PAGE4: variants seen among roughly 807,000 people sequenced by gnomAD.
PAGE4 encodes the protein PAGE family member 4.
A neutral mutation model predicts 8.5 loss-of-function variants in PAGE4; 1 was observed. The observed-to-expected ratio is 0.12, with a 90% CI of 0.04 to 0.56. The LOEUF is 0.56. Ranked by LOEUF, PAGE4 falls within the 20% of genes least tolerant of loss-of-function variation. The pLI is 0.91. For missense variants in PAGE4, 93 were observed against 82.7 expected, an observed-to-expected ratio of 1.13 and a Z score of -0.49; for synonymous variants, 26 against 26.3, an observed-to-expected ratio of 0.99 and a Z score of 0.04.
At position 49,833,830 on chromosome X, in the gene PAGE4, T is replaced by C. The variant is rs1557156870; in HGVS notation, c.293-16T>C. On this transcript the variant is annotated splice_polypyrimidine_tract_variant and intron_variant, in intron 4 of 4. Coordinates refer to ENST00000218068, the MANE Select transcript of PAGE4 (RefSeq NM_007003.4). The stretch of plus-strand genomic sequence containing the variant: ...TCTGCTAAGTAATGAACTCAACTGT[T>C]ATGTTTATATTTTAGGAGATGGGCA... The C allele has an allele frequency of 6.0e-6, 7 of 1,169,570 alleles. No individual in the cohort carries two copies. In the Admixed American group the frequency reaches 1.5e-4, roughly 26 times the overall value.
Position 49,833,995 on chromosome X carries a change from A to G in PAGE4, c.*133A>G. The G allele has an allele frequency of 2.1e-6, 1 of 471,973 alleles. No homozygotes were observed. The highest frequency in any genetic ancestry group is 3.7e-6 in the Non-Finnish European group (1 of 267,783). The allele number at this position is 471,973 out of a possible 1,213,427, so 38.9% of individuals were successfully genotyped here. On this transcript the variant is annotated 3_prime_UTR_variant, in exon 5 of 5. Coordinates refer to ENST00000218068, the MANE Select transcript of PAGE4 (RefSeq NM_007003.4). The stretch of plus-strand genomic sequence containing the variant: ...GTCATGCGTGTCTTTTGTAAAATTT[A>G]TTCCTAGGAAATTGACACTATTGTA...
At chrX:49,831,305 C>G (rs1210361216) in intron 3 of PAGE4, 1 of 367,029 alleles carries the variant, frequency 2.7e-6, no homozygotes, top group Admixed American at 5.6e-5. Flanking sequence ...TTGGAAAATA[C>G]AATCCTTGCC....
At position 49,832,417 on chromosome X, in the gene PAGE4, C is replaced by T. The variant is rs1923502751; in HGVS notation, c.167-108C>T. ...TAGTAGAAAATTCCAATGCCCATTG[C>T]ACTCATGCATCACATTTGTTAGAAT... is the stretch of plus-strand genomic sequence containing the variant. On this transcript the variant is annotated intron_variant, in intron 3 of 4. Transcript: ENST00000218068. 4 of 478,592 alleles carry T rather than the reference C, an allele frequency of 8.4e-6. No individual in the cohort carries two copies. The Admixed American group carries it at 1.8e-4, about 22-fold the overall frequency. 39.4% of individuals were successfully genotyped at this position (478,592 alleles called of 1,213,427 possible). A position where few individuals can be genotyped will look rare whatever the true frequency, so the allele number is the denominator to read the frequency against.
chrX:49,830,771 G>GA (rs1276114093), intron 2 of PAGE4: 4 of 433,079 alleles, frequency 9.2e-6, no homozygotes, highest in Non-Finnish European at 1.6e-5. Flanking sequence ...CAGAGAAGAT[G>GA]AAAATGGGTT....
chrX:49,830,486 G>A lies in PAGE4; in HGVS notation c.58G>A (p.Asp20Asn), dbSNP rs1557156407. 1.7e-6 allele frequency: 2 copies of A among 1,196,667 alleles called. No homozygotes were observed. The highest frequency in any genetic ancestry group is 3.0e-5 in the East Asian group (1 of 33,642). Residue 20 changes from aspartate (D) to asparagine (N), a missense_variant, in exon 2 of 5, where the codon GAT becomes AAT. Physicochemically the swap from Asp to Asn is conservative, Grantham distance 23. Transcript: ENST00000218068. ...RGRGDGQEAP[D>N]VVAFVAPGES... is the part of the protein sequence containing the mutation. ...AAGAGGAGATGGTCAGGAGGCTCCCGATGTGGTTGCATTCGTGGCTGTGAG... is the reference window on the plus strand; with the variant it reads ...AAGAGGAGATGGTCAGGAGGCTCCCAATGTGGTTGCATTCGTGGCTGTGAG...
At chrX:49,830,948 A>G (rs782100408) in intron 2 of PAGE4, 49 bp from the exon 3 acceptor site, 16 of 822,393 alleles carry the variant, frequency 1.9e-5, no homozygotes, top group Non-Finnish European at 2.7e-5. Flanking sequence ...TTGCCATGAT[A>G]TTAATAACAA....
Position 49,832,644 on chromosome X carries a change from G to C in PAGE4, c.286G>C (p.Glu96Gln). 1 of 1,198,524 alleles carries C rather than the reference G, an allele frequency of 8.3e-7. No individual in the cohort carries two copies. The highest frequency in any genetic ancestry group is 3.0e-5 in the East Asian group (1 of 33,510). The change falls in exon 4 of 5, where the codon GAA (glutamate) becomes CAA (glutamine). Residue 96 changes from glutamate (E) to glutamine (Q), a missense_variant. Glu to Gln is a conservative substitution (Grantham distance 29). Transcript: ENST00000218068. ...TAATCCTAAGCATGCTAAGACTAAA[G>C]AAGCAGGTACGTTATTCATTCGGAA... ...PPNPKHAKTK[E>Q]AGDGQP is the part of the protein sequence containing the mutation.
chrX:49,830,555 T>TTTCA, intron 2 of PAGE4, 49 bp downstream of exon 2: 1 of 906,533 alleles, frequency 1.1e-6, no homozygotes, highest in Non-Finnish European at 1.6e-6. Flanking sequence ...TGTATTTTTC[T>TTTCA]GAAAGAAAAT....
intron 4 of PAGE4, 80 bp downstream of exon 4, chrX:49,832,730 A>G (rs1923517201): frequency 1.4e-5 from 13 of 898,821 alleles, no homozygotes; most frequent in Non-Finnish European, 1.9e-5. Context: ...TCGCATACAA[A>G]TATTATTTGA....
intron 2 of PAGE4, chrX:49,830,735 C>T (rs1923450341): frequency 7.0e-6 from 3 of 428,752 alleles, no homozygotes; most frequent in Non-Finnish European, 1.2e-5. Context: ...ACTTTCCTAT[C>T]ATGCTTATTA....
intron 4 of PAGE4, among the ~76,000 whole-genome samples, chrX:49,833,580 A>C (rs1981642021): frequency 8.9e-6 from 1 of 112,258 alleles, no homozygotes; most frequent in Non-Finnish European, 1.9e-5. Flanking sequence ...CCCTCTACTT[A>C]AAATGATCTT....
intron 3 of PAGE4, among the ~76,000 whole-genome samples, chrX:49,831,853 A>T (rs891754256): frequency 2.7e-5 from 3 of 112,270 alleles, no homozygotes; most frequent in Admixed American, 9.5e-5. Context: ...CAGAACAGTT[A>T]TCAAATTCAG....
intron 2 of PAGE4, 48 bp downstream of exon 2, chrX:49,830,554 C>A: frequency 1.1e-6 from 1 of 923,684 alleles, no homozygotes; most frequent in Non-Finnish European, 1.5e-6. Flanking sequence ...ATGTATTTTT[C>A]TGAAAGAAAA....
chrX:49,830,198 G>A (rs144918848), intron 1 of PAGE4: 17 of 333,764 alleles, frequency 5.1e-5, no homozygotes, highest in Non-Finnish European at 8.2e-5. Context: ...TTTGATCTAG[G>A]ACTTGAAGAT....
intron 4 of PAGE4, among the ~76,000 whole-genome samples, chrX:49,833,126 A>C (rs1233133528): frequency 8.9e-6 from 1 of 112,085 alleles, no homozygotes; most frequent in Non-Finnish European, 1.9e-5. Context: ...TTTTAATGTC[A>C]TCTATATGGT....
chrX:49,831,128 T>C lies in PAGE4; in HGVS notation c.166+44T>C, dbSNP rs201699476. 3.5e-6 allele frequency: 3 copies of C among 854,891 alleles called. No individual in the cohort carries two copies. The East Asian group carries it at 1.0e-4, about 29-fold the overall frequency. The allele number at this position is 854,891 out of a possible 1,213,427, so 70.5% of individuals were successfully genotyped here. Reference sequence around the variant, plus strand: ...AGCATTTTGTGTTTCATGTATGATTTTATACTAGTAACAGGAATAAATAAA... The same window carrying C: ...AGCATTTTGTGTTTCATGTATGATTCTATACTAGTAACAGGAATAAATAAA... On this transcript the variant is annotated intron_variant, in intron 3 of 4. Transcript: ENST00000218068.
At position 49,833,979 on chromosome X, in the gene PAGE4, G is replaced by A. The variant is rs2147205797; in HGVS notation, c.*117G>A. ...AGTTTTCTCTGAAGAAGTCATGCGT[G>A]TCTTTTGTAAAATTTATTCCTAGGA... On this transcript the variant is annotated 3_prime_UTR_variant, in exon 5 of 5. Transcript: ENST00000218068. 4.0e-6 allele frequency: 2 copies of A among 500,060 alleles called. No individual in the cohort carries two copies. Among genetic ancestry groups the A allele is most frequent in the East Asian group, 7.4e-5 (2 of 27,187 alleles). 41.2% of individuals were successfully genotyped at this position (500,060 alleles called of 1,213,427 possible).
intron 3 of PAGE4, chrX:49,831,303 T>C (rs974949777): frequency 2.4e-5 from 9 of 373,591 alleles, no homozygotes; most frequent in Admixed American, 5.5e-5. Flanking sequence ...ACTTGGAAAA[T>C]ACAATCCTTG....
In PAGE4 at chrX:49,833,550, G is replaced by A. The variant is rs547304188; in HGVS notation, c.293-296G>A. Among the ~76,000 whole-genome samples the A allele has an allele frequency of 2.7e-4, 30 of 112,109 alleles. No individual in the cohort carries two copies. The South Asian group carries it at 0.011, about 41-fold the overall frequency. ...TAAAAAATCAAAACAAAACAAAACTGAAATCAGTGGCTGTTTTTGCCCTCT... is the reference window on the plus strand; with the variant it reads ...TAAAAAATCAAAACAAAACAAAACTAAAATCAGTGGCTGTTTTTGCCCTCT... On this transcript the variant is annotated intron_variant, in intron 4 of 4. Transcript: ENST00000218068.
Sources: gnomAD v4.1 joint callset for allele counts (sites outside exome capture counted in the v4.1 genomes callset) on GRCh38, gnomAD v4.1.1 for gene constraint, MANE v1.5 for transcripts, NCBI Gene and HGNC (gene_info 2026-07-23, HGNC 2026-07-21) for gene names.